Variants in BRDT observed in about 807,000 individuals in gnomAD.
The protein encoded by BRDT is bromodomain testis associated.
A neutral mutation model predicts 113.9 loss-of-function variants in BRDT; 77 were observed. That is an observed-to-expected ratio of 0.68 (90% confidence interval 0.56 to 0.82). BRDT has a LOEUF of 0.82. BRDT is among the 40% of genes least tolerant of loss of function. The pLI, the probability that BRDT is intolerant of heterozygous loss-of-function variation, is 0.00. For synonymous variants in BRDT, 358 were observed against 366.5 expected, an observed-to-expected ratio of 0.98 and a Z score of 0.26; for missense variants, 1,027 against 1,105.4, an observed-to-expected ratio of 0.93 and a Z score of 1.01.
At chr1:91,977,425 T>G (rs751003970) in intron 6 of BRDT, 32 bp downstream of exon 6, 10 of 1,419,782 alleles carry the variant, frequency 7.0e-6, no homozygotes, top group Non-Finnish European at 7.5e-6. Flanking sequence ...AGAACTTCTT[T>G]TTCTTGATTA....
intron 12 of BRDT, among the ~76,000 whole-genome samples, chr1:91,986,072 G>A (rs1182297603): frequency 6.6e-6 from 1 of 151,998 alleles, no homozygotes; most frequent in Non-Finnish European, 1.5e-5. Context: ...ATTAAACTTC[G>A]GTATAAATAT....
intron 15 of BRDT, among the ~76,000 whole-genome samples, chr1:91,998,342 A>C (rs1379645666): frequency 6.6e-6 from 1 of 151,672 alleles, no homozygotes; most frequent in African/African-American, 2.4e-5. Context: ...AACATCACAC[A>C]CTGGGGCCTG....
intron 1 of BRDT, among the ~76,000 whole-genome samples, chr1:91,954,025 A>C (rs1197122003): frequency 6.6e-6 from 1 of 151,700 alleles, no homozygotes; most frequent in Non-Finnish European, 1.5e-5. Flanking sequence ...AGGCTAGAGT[A>C]CAGTGGCATG....
At chr1:92,007,508 A>G (rs1377784723) in intron 18 of BRDT, among the ~76,000 whole-genome samples, 1 of 152,086 alleles carries the variant, frequency 6.6e-6, no homozygotes, top group African/African-American at 2.4e-5. Context: ...CTGTTCCTGC[A>G]TTTGTTTGCT....
intron 15 of BRDT, among the ~76,000 whole-genome samples, chr1:91,996,513 C>T (rs1686353205): frequency 1.3e-5 from 2 of 152,182 alleles, no homozygotes; most frequent in Admixed American, 1.3e-4. Flanking sequence ...TCCCAAAGTT[C>T]TGGGATTACA....
At chr1:92,014,031 C>T (rs1389206374) in intron 18 of BRDT, among the ~76,000 whole-genome samples, 175 bp from the exon 19 acceptor site, 2 of 151,880 alleles carry the variant, frequency 1.3e-5, no homozygotes, top group Non-Finnish European at 2.9e-5. Context: ...AATATTTGAA[C>T]AGAAATAATT....
In BRDT at chr1:92,010,267, A is replaced by ATTTTT. The variant is rs373305680; in HGVS notation, c.2776-3921_2776-3917dup. ...CTCATAGCTCACTAATGCTCTTTTA[A>ATTTTT]TTTTTTTTTTTTTTTTTTTTTTGAG... On this transcript the variant is annotated intron_variant, in intron 18 of 18. Coordinates refer to ENST00000399546, the MANE Select transcript of BRDT (RefSeq NM_207189.4). Among the ~76,000 whole-genome samples the ATTTTT allele has an allele frequency of 1.6e-3, 160 of 101,028 alleles. 4 individuals carry two copies. Among genetic ancestry groups the ATTTTT allele is most frequent in the Non-Finnish European group, 2.1e-3 (114 of 53,940 alleles). The allele number at this position is 101,028 out of a possible 152,430, so 66.3% of individuals were successfully genotyped here. A position where few individuals can be genotyped will look rare whatever the true frequency, so the allele number is the denominator to read the frequency against.
intron 6 of BRDT, 195 bp downstream of exon 6, chr1:91,977,588 A>G: frequency 4.5e-6 from 2 of 448,018 alleles, no homozygotes; most frequent in Non-Finnish European, 3.8e-6. Context: ...CCATGGTTCT[A>G]GGCCGGGCAC....
intron 1 of BRDT, among the ~76,000 whole-genome samples, chr1:91,952,715 C>T (rs979830288): frequency 2.3e-5 from 3 of 131,640 alleles, no homozygotes; most frequent in African/African-American, 8.6e-5. Context: ...TTGAGGCAGG[C>T]GGAGGAGTGC....
intron 18 of BRDT, among the ~76,000 whole-genome samples, chr1:92,011,868 TAGC>T (rs1687826953): frequency 6.6e-6 from 1 of 152,182 alleles, no homozygotes; most frequent in Non-Finnish European, 1.5e-5. Context: ...ACTTGACACT[TAGC>T]AGAGTTCCCA....
chr1:91,955,204 C>T (rs1222444566), intron 1 of BRDT, among the ~76,000 whole-genome samples: 1 of 152,022 alleles, frequency 6.6e-6, no homozygotes, highest in African/African-American at 2.4e-5. Context: ...TCCTGTAATC[C>T]CAGCGCTTTG....
At chr1:92,004,705 A>G (rs894432664) in intron 17 of BRDT, 86 bp downstream of exon 17, 22 of 1,220,192 alleles carry the variant, frequency 1.8e-5, no homozygotes, top group Middle Eastern at 2.3e-4. Flanking sequence ...TTAAGTGACT[A>G]TGATTCAACT....
chr1:91,969,012 C>T (rs987150503), intron 4 of BRDT, among the ~76,000 whole-genome samples: 17 of 152,082 alleles, frequency 1.1e-4, no homozygotes, highest in Non-Finnish European at 1.8e-4. Flanking sequence ...TCTCGGCTCA[C>T]TGCAAGCTCT....
chr1:92,005,197 ACAT>A lies in BRDT; in HGVS notation c.2676_2678del (p.His892del). 1 of 1,580,816 alleles carries A rather than the reference ACAT, an allele frequency of 6.3e-7. No homozygotes were observed. The highest frequency in any genetic ancestry group is 8.6e-7 in the Non-Finnish European group (1 of 1,166,102). Reference sequence around the variant, plus strand: ...AGTGCTCTGGAGAAGAGCAGAAAGAACATCAGCAGTCATCAGAAGCTCAAGATA... The same window carrying A: ...AGTGCTCTGGAGAAGAGCAGAAAGAACAGCAGTCATCAGAAGCTCAAGATA... On this transcript the variant is annotated inframe_deletion, in exon 18 of 19. Transcript: ENST00000399546.
intron 1 of BRDT, among the ~76,000 whole-genome samples, chr1:91,951,256 A>G (rs975659050): frequency 1.3e-5 from 2 of 152,218 alleles, no homozygotes; most frequent in Non-Finnish European, 1.5e-5. Flanking sequence ...TTTGTATAGC[A>G]TGAAGGACAG....
intron 16 of BRDT, among the ~76,000 whole-genome samples, chr1:92,002,632 G>A (rs1213145657): frequency 6.6e-6 from 1 of 152,166 alleles, no homozygotes; most frequent in African/African-American, 2.4e-5. Flanking sequence ...CTCTCAAAGT[G>A]TTGGGATTAC....
chr1:92,005,607 A>G (rs1055862380), intron 18 of BRDT, among the ~76,000 whole-genome samples: 3 of 152,118 alleles, frequency 2.0e-5, no homozygotes, highest in Non-Finnish European at 2.9e-5. Flanking sequence ...TCACACCACT[A>G]CACTCCAGTG....
At chr1:92,002,370 TTG>T (rs1686936589) in intron 16 of BRDT, among the ~76,000 whole-genome samples, 1 of 151,916 alleles carries the variant, frequency 6.6e-6, no homozygotes, top group African/African-American at 2.4e-5. Flanking sequence ...TTTTTTGTTG[TTG>T]TTTTTTTTTG....
intron 18 of BRDT, among the ~76,000 whole-genome samples, chr1:92,013,579 T>G (rs1039920209): frequency 6.6e-6 from 1 of 152,238 alleles, no homozygotes; most frequent in African/African-American, 2.4e-5. Flanking sequence ...CAGAATATAG[T>G]TGACATTTGT....
Sources: allele counts gnomAD v4.1 joint callset (sites outside exome capture counted in the v4.1 genomes callset), GRCh38; gene constraint gnomAD v4.1.1; transcripts MANE v1.5; gene names NCBI Gene and HGNC (gene_info 2026-07-23, HGNC 2026-07-21).